The following MAP2K3 variants were observed in gnomAD, a reference collection of about 807,000 sequenced individuals.
MAP2K3 encodes mitogen-activated protein kinase kinase 3, also known as dual specificity mitogen-activated protein kinase kinase 3.
A neutral mutation model predicts 46.4 loss-of-function variants in MAP2K3; 30 were observed. The ratio of observed to expected loss-of-function variants is 0.65; its 90% CI spans 0.48 to 0.88. The LOEUF (loss-of-function observed/expected upper bound fraction) is 0.88, where lower values mean the gene tolerates loss of function less well. MAP2K3 is among the 40% of genes least tolerant of loss of function. The pLI is 0.00. For missense variants in MAP2K3, 380 were observed against 464.5 expected (o/e 0.82, Z 1.67); for synonymous variants, 189 against 176.3 (o/e 1.07, Z -0.57).
chr17:21,286,386 C>A (rs1597795895), intron 1 of MAP2K3, among the ~76,000 whole-genome samples: 1 of 152,254 alleles, frequency 6.6e-6, no homozygotes, highest in Non-Finnish European at 1.5e-5. Flanking sequence ...CCAATGGGAG[C>A]CCTATGTGGG....
chr17:21,293,515 C>A, intron 1 of MAP2K3, among the ~76,000 whole-genome samples: 1 of 152,430 alleles, frequency 6.6e-6, no homozygotes, highest in African/African-American at 2.4e-5. Flanking sequence ...GGGGTGCTCC[C>A]GAGCCATGCT....
At chr17:21,313,402 C>T (rs1977254780) in intron 10 of MAP2K3, 90 bp from the exon 11 acceptor site, 2 of 1,066,826 alleles carry the variant, frequency 1.9e-6, no homozygotes, top group Non-Finnish European at 2.8e-6. Flanking sequence ...TGCTGCTAGG[C>T]CTGGGGCAAT....
At chr17:21,291,038 C>T (rs1435119582) in intron 1 of MAP2K3, among the ~76,000 whole-genome samples, 9 of 152,296 alleles carry the variant, frequency 5.9e-5, no homozygotes, top group African/African-American at 1.7e-4. Context: ...GTCAGGAGCT[C>T]GAGACCATCC....
chr17:21,300,425 G>A (rs932086547), intron 3 of MAP2K3, 120 bp from the exon 4 acceptor site: 1 of 1,031,364 alleles, frequency 9.7e-7, no homozygotes, highest in Non-Finnish European at 1.5e-6. Context: ...GTGGATATGA[G>A]GTTTGAGCCC....
At chr17:21,312,814 C>G (rs1301249495) in intron 10 of MAP2K3, among the ~76,000 whole-genome samples, 1 of 151,800 alleles carries the variant, frequency 6.6e-6, no homozygotes, top group Non-Finnish European at 1.5e-5. Context: ...ACTCAGGAGG[C>G]TGAAGCAGGA....
chr17:21,290,924 AGAGT>A (rs1975885262), intron 1 of MAP2K3, among the ~76,000 whole-genome samples: 1 of 152,308 alleles, frequency 6.6e-6, no homozygotes, highest in South Asian at 2.1e-4. Context: ...CCTGGGTGAC[AGAGT>A]GAGACCCTGT....
intron 1 of MAP2K3, among the ~76,000 whole-genome samples, chr17:21,290,933 C>A (rs1191836668): frequency 1.3e-5 from 2 of 152,168 alleles, no homozygotes; most frequent in East Asian, 3.9e-4. Context: ...CAGAGTGAGA[C>A]CCTGTCTGTT....
At chr17:21,305,338 G>A (rs1380668105) in intron 9 of MAP2K3, among the ~76,000 whole-genome samples, 3 of 152,290 alleles carry the variant, frequency 2.0e-5, no homozygotes, top group Non-Finnish European at 2.9e-5. Flanking sequence ...GTGAAGTCCT[G>A]GGTGCTTTGT....
At chr17:21,307,652 A>G (rs1976960286) in intron 9 of MAP2K3, among the ~76,000 whole-genome samples, 1 of 152,248 alleles carries the variant, frequency 6.6e-6, no homozygotes, top group African/African-American at 2.4e-5. Flanking sequence ...TGTTATCATC[A>G]TCATGTGGTT....
chr17:21,309,709 G>A (rs921607941), intron 9 of MAP2K3, among the ~76,000 whole-genome samples: 33 of 152,064 alleles, frequency 2.2e-4, no homozygotes, highest in Admixed American at 5.2e-4. Context: ...CGCCTCCCAG[G>A]TTCAAGTGAT....
rs1052196482 is a variant in MAP2K3 at position 21,304,410 on chromosome 17, T to A, written c.569-16T>A. ...GTGCTCCACAGACGTGGCTGAGGCATGTCCCTCCCTGGCAGATGTGAAGCC... is the reference window on the plus strand; with the variant it reads ...GTGCTCCACAGACGTGGCTGAGGCAAGTCCCTCCCTGGCAGATGTGAAGCC... On this transcript the variant is annotated splice_polypyrimidine_tract_variant and intron_variant, in intron 7 of 11. Transcript: ENST00000342679. 2 of 1,614,182 alleles carry A rather than the reference T, an allele frequency of 1.2e-6. No individual in the cohort carries two copies. Among genetic ancestry groups the A allele is most frequent in the Non-Finnish European group, 1.7e-6 (2 of 1,180,054 alleles).
chr17:21,312,043 C>T (rs1977186119), intron 9 of MAP2K3, 99 bp from the exon 10 acceptor site: 1 of 1,210,748 alleles, frequency 8.3e-7, no homozygotes, highest in Non-Finnish European at 1.1e-6. Flanking sequence ...ACGCCTGGCT[C>T]TGGTACCAGG....
Position 21,302,271 on chromosome 17 carries a change from G to T in MAP2K3, c.516+12G>T. 1 of 1,610,162 alleles carries T rather than the reference G, an allele frequency of 6.2e-7. No homozygotes were observed. Among genetic ancestry groups the T allele is most frequent in the South Asian group, 1.1e-5 (1 of 90,942 alleles). The stretch of plus-strand genomic sequence containing the variant: ...AGATTGCTGTGTCTGTGAGTGGCCT[G>T]GGTGGGCTGGCGGGGGGTCCTAGGT... On this transcript the variant is annotated intron_variant, in intron 6 of 11. Transcript: ENST00000342679.
chr17:21,306,083 C>T (rs569482575), intron 9 of MAP2K3, among the ~76,000 whole-genome samples: 85 of 152,346 alleles, frequency 5.6e-4, no homozygotes, highest in African/African-American at 1.9e-3. Context: ...ATTCTCCAGA[C>T]ACCCACCCAG....
rs1315544790 is a variant in MAP2K3, at chr17:21,312,291, G to C, written c.914+10G>C. The C allele has an allele frequency of 6.3e-7, 1 of 1,583,214 alleles. No individual in the cohort carries two copies. Among genetic ancestry groups the C allele is most frequent in the East Asian group, 2.4e-5 (1 of 41,354 alleles). ...ACTTCACTGCTCAGTGGTGAGTCTTGGGTGCTGCTGAGCGCCTGCCACTGC... is the reference window on the plus strand; with the variant it reads ...ACTTCACTGCTCAGTGGTGAGTCTTCGGTGCTGCTGAGCGCCTGCCACTGC... On this transcript the variant is annotated intron_variant, in intron 10 of 11. Coordinates refer to ENST00000342679, the MANE Select transcript of MAP2K3 (RefSeq NM_145109.3).
At chr17:21,295,152 C>T (rs1221593553) in intron 1 of MAP2K3, among the ~76,000 whole-genome samples, 14 of 152,308 alleles carry the variant, frequency 9.2e-5, no homozygotes, top group Non-Finnish European at 1.9e-4. Flanking sequence ...GTGTGAAGGC[C>T]CTGCGGTGGG....
intron 11 of MAP2K3, 27 bp from the exon 12 acceptor site, chr17:21,314,119 TG>T: frequency 6.4e-7 from 1 of 1,568,416 alleles, no homozygotes; most frequent in South Asian, 1.1e-5. Context: ...TACCCCTCCA[TG>T]GTGACTGTGC....
chr17:21,295,703 A>G, intron 1 of MAP2K3: 1 of 1,289,510 alleles, frequency 7.8e-7, no homozygotes, highest in Non-Finnish European at 1.0e-6. Flanking sequence ...CAGTCCATAT[A>G]CCACCCAGGC....
At chr17:21,304,299 C>T (rs1976767204) in intron 7 of MAP2K3, 127 bp from the exon 8 acceptor site, 2 of 1,541,994 alleles carry the variant, frequency 1.3e-6, no homozygotes, top group South Asian at 1.2e-5. Flanking sequence ...GCAACCTGCC[C>T]ACTGGGGCAT....
Sources: allele counts gnomAD v4.1 joint callset (sites outside exome capture counted in the v4.1 genomes callset), GRCh38; gene constraint gnomAD v4.1.1; transcripts MANE v1.5; gene names NCBI Gene and HGNC (gene_info 2026-07-23, HGNC 2026-07-21).